MBP: variants seen among roughly 807,000 people sequenced by gnomAD.
MBP encodes the protein Golli-MBP.
In MBP, 16 loss-of-function variants were observed where a neutral mutation model predicts 35.8. The observed-to-expected ratio is 0.45, with a 90% confidence interval of 0.30 to 0.68. The LOEUF (loss-of-function observed/expected upper bound fraction) is 0.68, where lower values mean the gene tolerates loss of function less well. Among genes scored for constraint, MBP ranks in the 30% least tolerant of loss-of-function variants. The pLI is 0.08. For synonymous variants in MBP, 143 were observed against 159.6 expected, an observed-to-expected ratio of 0.90 and a Z score of 0.78; for missense variants, 380 against 404.7, an observed-to-expected ratio of 0.94 and a Z score of 0.52.
In MBP at chr18:76,989,670, G is replaced by A. The variant is rs1039517354; in HGVS notation, c.681+286C>T. ...GCAAGCACTCTCCATAGGTTGCAAA[G>A]CCTGTGTTTTTAGGCTAAGCGTTAC... On this transcript the variant is annotated intron_variant, in intron 5 of 8. Coordinates refer to ENST00000355994, the MANE Select transcript of MBP (RefSeq NM_001025101.2). This position sits in a 1 kb window ranked among gnomAD's most constrained non-coding sequence, Gnocchi z 4.0. 2.6e-6 allele frequency: 1 copy of A among 381,314 alleles called. No homozygotes were observed. 23.6% of individuals were successfully genotyped at this position (381,314 alleles called of 1,614,324 possible). A position where few individuals can be genotyped will look rare whatever the true frequency, so the allele number is the denominator to read the frequency against.
intron 3 of MBP, among the ~76,000 whole-genome samples, chr18:77,064,927 A>G: frequency 6.6e-6 from 1 of 152,124 alleles, no homozygotes; most frequent in Admixed American, 6.5e-5. Context: ...TTGCTTTAGG[A>G]ATAGATGAAG....
rs376170380 is a variant in MBP, at chr18:76,979,987, G to A, written c.*440C>T. 7.5e-4 allele frequency: 530 copies of A among 702,646 alleles called. 9 individuals carry two copies. Among genetic ancestry groups the A allele is most frequent in the South Asian group, 7.3e-3 (493 of 67,610 alleles). 43.5% of individuals were successfully genotyped at this position (702,646 alleles called of 1,614,324 possible). On this transcript the variant is annotated 3_prime_UTR_variant, in exon 9 of 9. Transcript: ENST00000355994. Reference sequence around the variant, plus strand: ...AAAAAAAAACAAAGGAAGCTTGGATGTCAACAGTCCTCTCTGCCGCCCACG... The same window carrying A: ...AAAAAAAAACAAAGGAAGCTTGGATATCAACAGTCCTCTCTGCCGCCCACG...
chr18:77,112,169 G>GCGCACA (rs370587502), intron 1 of MBP, among the ~76,000 whole-genome samples: 45,713 of 150,880 alleles, frequency 0.3, 7,644 homozygotes, highest in South Asian at 0.39. Context: ...CCGTGCACAC[G>GCGCACA]CACACACACA....
At chr18:77,001,949 T>A (rs1424297710) in intron 4 of MBP, among the ~76,000 whole-genome samples, 1 of 152,254 alleles carries the variant, frequency 6.6e-6, no homozygotes, top group Non-Finnish European at 1.5e-5. Flanking sequence ...TGTTGGAACA[T>A]CTTCTAACTA....
intron 4 of MBP, chr18:77,006,075 G>T (rs1428639983): frequency 6.6e-6 from 1 of 152,200 alleles, no homozygotes; most frequent in Non-Finnish European, 1.5e-5. Context: ...AGCATTTTTG[G>T]TTCTTCCTCC....
rs935783954 is a variant in MBP, at chr18:77,037,434, G to A, written c.140-20166C>T. On this transcript the variant is annotated intron_variant, in intron 3 of 8. Coordinates refer to ENST00000355994, the MANE Select transcript of MBP (RefSeq NM_001025101.2). Reference sequence around the variant, plus strand: ...GGTCGGGAGTATGTCCAGGTTTGGGGACAGAGACTGGCCAGAGCCACAGAG... The same window carrying A: ...GGTCGGGAGTATGTCCAGGTTTGGGAACAGAGACTGGCCAGAGCCACAGAG... Among the ~76,000 whole-genome samples the A allele has an allele frequency of 1.2e-4, 18 of 152,256 alleles. 1 individual carries two copies. Among genetic ancestry groups the A allele is most frequent in the African/African-American group, 4.3e-4 (18 of 41,458 alleles).
At chr18:77,057,411 T>G (rs1029240288) in intron 3 of MBP, among the ~76,000 whole-genome samples, 1 of 152,194 alleles carries the variant, frequency 6.6e-6, no homozygotes, top group African/African-American at 2.4e-5. Flanking sequence ...AGATGCTATT[T>G]CACAAAATGG....
chr18:77,065,844 CG>C (rs150972337), intron 3 of MBP: 3,446 of 154,504 alleles, frequency 0.022, 130 homozygotes, highest in African/African-American at 0.079. Flanking sequence ...GTATCTGCCA[CG>C]TATCTACACA....
intron 3 of MBP, among the ~76,000 whole-genome samples, chr18:77,060,269 A>G (rs1206744863): frequency 6.6e-6 from 1 of 152,198 alleles, no homozygotes; most frequent in African/African-American, 2.4e-5. Flanking sequence ...GCACATAGGC[A>G]GGACATCCTA....
intron 3 of MBP, among the ~76,000 whole-genome samples, chr18:77,052,029 C>T (rs544827808): frequency 5.9e-5 from 9 of 152,262 alleles, no homozygotes; most frequent in East Asian, 1.9e-4. Context: ...TGAAGCCGTG[C>T]GGCAGCACTG....
chr18:77,076,081 T>G (rs543419255), intron 2 of MBP, among the ~76,000 whole-genome samples: 4 of 152,310 alleles, frequency 2.6e-5, no homozygotes, highest in Admixed American at 2.0e-4. Context: ...GCAGTGACGG[T>G]TTATGCTATT....
chr18:76,985,627 G>C, intron 7 of MBP: 1 of 1,059,144 alleles, frequency 9.4e-7, no homozygotes, highest in Non-Finnish European at 1.1e-6. Flanking sequence ...GCTGGCACGG[G>C]GGGCGGCCGC....
At chr18:77,104,566 G>A (rs1330369396) in intron 2 of MBP, among the ~76,000 whole-genome samples, 1 of 152,202 alleles carries the variant, frequency 6.6e-6, no homozygotes, top group Non-Finnish European at 1.5e-5. Flanking sequence ...CATGGTGGGT[G>A]AGAAGAAAGG....
chr18:77,091,609 A>C (rs777236990), intron 2 of MBP, among the ~76,000 whole-genome samples: 65 of 132,652 alleles, frequency 4.9e-4, no homozygotes, highest in African/African-American at 1.4e-3. Flanking sequence ...ACACACACAC[A>C]CCCACCCACC....
intron 3 of MBP, among the ~76,000 whole-genome samples, chr18:77,045,901 G>T (rs1973231554): frequency 6.6e-6 from 1 of 152,158 alleles, no homozygotes. Context: ...GCACAGCCGC[G>T]AGGTGAGTAT....
At position 77,018,918 on chromosome 18, in the gene MBP, A is replaced by G. The variant is rs534480974; in HGVS notation, c.140-1650T>C. 4.9e-4 allele frequency among the ~76,000 whole-genome samples: 72 copies of G among 147,086 alleles called. No homozygotes were observed. The South Asian group carries it at 5.2e-3, about 11-fold the overall frequency. On this transcript the variant is annotated intron_variant, in intron 3 of 8. Coordinates refer to ENST00000355994, the MANE Select transcript of MBP (RefSeq NM_001025101.2). ...CATCCATCCATCCATCCATCCACTC[A>G]TGTATTCATCCATTTACCTACCTGT...
chr18:77,050,282 G>A (rs1973436873), intron 3 of MBP, among the ~76,000 whole-genome samples: 1 of 152,178 alleles, frequency 6.6e-6, no homozygotes, highest in Non-Finnish European at 1.5e-5. Context: ...GCTGACTGAG[G>A]CGCTTACTGG....
At chr18:77,041,751 G>A (rs980111285) in intron 3 of MBP, among the ~76,000 whole-genome samples, 27 of 139,334 alleles carry the variant, frequency 1.9e-4, no homozygotes, top group African/African-American at 7.0e-4. Flanking sequence ...ACACAGGAAG[G>A]GGAACATCAC....
At chr18:77,077,048 C>T (rs617024) in intron 2 of MBP, among the ~76,000 whole-genome samples, 25,628 of 151,944 alleles carry the variant, frequency 0.17, 2,276 homozygotes, top group South Asian at 0.24. Flanking sequence ...GAATTAGTGC[C>T]GTGTGTTTGG....
Sources: allele counts gnomAD v4.1 joint callset (sites outside exome capture counted in the v4.1 genomes callset), GRCh38; gene constraint gnomAD v4.1.1; non-coding constraint Gnocchi (gnomAD v3.1); transcripts MANE v1.5; gene names NCBI Gene and HGNC (gene_info 2026-07-23, HGNC 2026-07-21).